LRP1: variants seen among roughly 807,000 people sequenced by gnomAD.
LRP1 encodes the protein LDL receptor related protein 1.
LRP1 carries 51 observed loss-of-function variants against 541.5 expected under a neutral mutation model. That is an observed-to-expected ratio of 0.09 (90% CI 0.08 to 0.12). The LOEUF is 0.12. Ranked by LOEUF, LRP1 falls within the 10% of genes least tolerant of loss-of-function variation. The pLI, the probability that LRP1 is intolerant of heterozygous loss-of-function variation, is 1.00. For missense variants in LRP1, 3,878 were observed against 6,376.2 expected, an observed-to-expected ratio of 0.61 and a Z score of 13.34; for synonymous variants, 2,219 against 2,470.8, an observed-to-expected ratio of 0.90 and a Z score of 3.02.
At chr12:57,151,474 T>G (rs1159403418) in intron 6 of LRP1, among the ~76,000 whole-genome samples, 1 of 152,250 alleles carries the variant, frequency 6.6e-6, no homozygotes, top group Non-Finnish European at 1.5e-5. Flanking sequence ...TTATTTGAGA[T>G]TCTCCTGTCC....
rs1230032035 is a variant in LRP1, at chr12:57,199,895, A to T, written c.9884A>T (p.Lys3295Met). The T allele has an allele frequency of 2.5e-6, 4 of 1,593,888 alleles. No homozygotes were observed. The highest frequency in any genetic ancestry group is 3.4e-6 in the Non-Finnish European group (4 of 1,172,780). Residue 3295 changes from lysine (K) to methionine (M), a missense_variant, in exon 62 of 89, where the codon AAG becomes ATG. By Grantham distance (95) the Lys-to-Met change is moderately conservative. Transcript: ENST00000243077. Reference sequence around the variant, plus strand: ...CTGGCAGTGCCCAATCACCCCTGCAAGGTCAACAATGGTGGCTGCAGCAAC... The same window carrying T: ...CTGGCAGTGCCCAATCACCCCTGCATGGTCAACAATGGTGGCTGCAGCAAC... ...RQPDVPNHPCKVNNGGCSNLC... is the reference protein window; with the variant it reads ...RQPDVPNHPCMVNNGGCSNLC...
intron 20 of LRP1, among the ~76,000 whole-genome samples, chr12:57,170,458 C>G (rs1251397822): frequency 6.6e-6 from 1 of 151,128 alleles, no homozygotes; most frequent in Non-Finnish European, 1.5e-5. Context: ...GTGGGAGGAT[C>G]ACTTGAGGCC....
chr12:57,196,950 C>T, intron 55 of LRP1, 32 bp from the exon 56 acceptor site: 1 of 1,579,626 alleles, frequency 6.3e-7, no homozygotes, highest in Non-Finnish European at 8.6e-7. Context: ...GACCCTGCCA[C>T]ATGCCCAGCC....
intron 2 of LRP1, 110 bp downstream of exon 2, chr12:57,138,691 C>T: frequency 7.0e-7 from 1 of 1,435,102 alleles, no homozygotes; most frequent in Non-Finnish European, 9.6e-7. Context: ...GGACCTTGCT[C>T]AGTGATTGTA....
chr12:57,195,463 G>A, intron 52 of LRP1, 64 bp downstream of exon 52: 2 of 1,588,688 alleles, frequency 1.3e-6, no homozygotes, highest in Non-Finnish European at 1.7e-6. Context: ...TTTGCAGATG[G>A]GGAAGCCGGG....
chr12:57,202,919 AAC>A, intron 68 of LRP1: 1 of 553,470 alleles, frequency 1.8e-6, no homozygotes, highest in South Asian at 2.5e-5. Context: ...CCCCTCCCCA[AAC>A]ACAGTCTGTT....
At chr12:57,167,374 C>T in intron 18 of LRP1, 70 bp from the exon 19 acceptor site, 1 of 1,166,244 alleles carries the variant, frequency 8.6e-7, no homozygotes, top group Non-Finnish European at 1.3e-6. Flanking sequence ...GGCCGCTGCA[C>T]TCACCTGCCC....
intron 6 of LRP1, 42 bp downstream of exon 6, chr12:57,145,532 G>A: frequency 6.2e-7 from 1 of 1,600,180 alleles, no homozygotes; most frequent in East Asian, 2.2e-5. Flanking sequence ...GGGAGGGTAG[G>A]GGAGACAGGG....
chr12:57,129,027 C>A lies in LRP1; in HGVS notation c.63C>A (p.Ile21=), dbSNP rs1479300393. The change falls in exon 1 of 89, where the codon ATC becomes ATA. Residue 21 remains isoleucine, a synonymous_variant. Coordinates refer to ENST00000243077, the MANE Select transcript of LRP1 (RefSeq NM_002332.3). ...PLLSALVAAA[I]DAPKTCSPKQ... ...TCTCAGCTCTGGTCGCGGCGGCTAT[C>A]GACGGTGAGTGAGATTCCGCGTCCC... The A allele has an allele frequency of 6.4e-7, 1 of 1,551,484 alleles. No homozygotes were observed. Among genetic ancestry groups the A allele is most frequent in the Non-Finnish European group, 8.7e-7 (1 of 1,146,858 alleles).
chr12:57,208,797 A>T lies in LRP1; in HGVS notation c.12125A>T (p.Asp4042Val). The T allele has an allele frequency of 6.2e-7, 1 of 1,614,030 alleles. No homozygotes were observed. The highest frequency in any genetic ancestry group is 1.1e-5 in the South Asian group (1 of 91,080). Residue 4042 changes from aspartate to valine, a missense_variant, in exon 78 of 89, where the codon GAC becomes GTC. Around this residue, in one of 13 missense-constraint regions of LRP1, gnomAD observed 871 missense variants for 1,212.4 expected, o/e 0.72. Coordinates refer to ENST00000243077, the MANE Select transcript of LRP1 (RefSeq NM_002332.3). Reference sequence around the variant, plus strand: ...ACGCTTCGGGAGACACTGGTGCAGGACAACATTCAGTGGCCCACAGGTTTG... The same window carrying T: ...ACGCTTCGGGAGACACTGGTGCAGGTCAACATTCAGTGGCCCACAGGTTTG... Reference protein sequence around the residue: ...DGTLRETLVQDNIQWPTGLAV... With the variant: ...DGTLRETLVQVNIQWPTGLAV...
Position 57,201,619 on chromosome 12 carries a change from A to G in LRP1, c.10468A>G (p.Thr3490Ala). 1 of 1,611,876 alleles carries G rather than the reference A, an allele frequency of 6.2e-7. No individual in the cohort carries two copies. The highest frequency in any genetic ancestry group is 1.1e-5 in the South Asian group (1 of 91,010). Residue 3490 changes from threonine (T) to alanine (A), a missense_variant and splice_region_variant, in exon 66 of 89, where the codon ACC becomes GCC. Around this residue, in one of 13 missense-constraint regions of LRP1, gnomAD observed 278 missense variants for 536.3 expected, o/e 0.52. Coordinates refer to ENST00000243077, the MANE Select transcript of LRP1 (RefSeq NM_002332.3). This position sits in a 1 kb window ranked among gnomAD's most constrained non-coding sequence, Gnocchi z 6.4. ...TGGCAGTGATGAGCCCGCCAACTGC[A>G]GTGAGTTGCCTGGCCTGGAGCCCAG... ...VDGSDEPANC[T>A]QMTCGVDEFR... is the part of the protein sequence containing the mutation.
At chr12:57,160,107 C>T (rs575153110) in intron 12 of LRP1, 102 bp downstream of exon 12, 31 of 1,204,846 alleles carry the variant, frequency 2.6e-5, no homozygotes, top group Middle Eastern at 2.8e-4. Context: ...GCAGGTGAGG[C>T]GGGATACTTT....
chr12:57,158,196 A>G lies in LRP1; in HGVS notation c.1562-206A>G, dbSNP rs2035658299. 6.6e-6 allele frequency among the ~76,000 whole-genome samples: 1 copy of G among 152,192 alleles called. No individual in the cohort carries two copies. Among genetic ancestry groups the G allele is most frequent in the South Asian group, 2.1e-4 (1 of 4,834 alleles). On this transcript the variant is annotated intron_variant, in intron 10 of 88. Transcript: ENST00000243077. The surrounding 1 kb of genome is among the most constrained non-coding windows in gnomAD (Gnocchi z 5.3). ...CTCATTTCCTACCCTTGGAGTGCAG[A>G]GGTCAGACCCCAGGGTATTGCGGCC... is the stretch of plus-strand genomic sequence containing the variant.
chr12:57,212,608 A>C lies in LRP1; in HGVS notation c.*53A>C, dbSNP rs1457496797. The C allele has an allele frequency of 8.6e-6, 13 of 1,513,272 alleles. No homozygotes were observed. Among genetic ancestry groups the C allele is most frequent in the Non-Finnish European group, 1.2e-5 (13 of 1,129,536 alleles). The allele number at this position is 1,513,272 out of a possible 1,614,324, so 93.7% of individuals were successfully genotyped here. A position where few individuals can be genotyped will look rare whatever the true frequency, so the allele number is the denominator to read the frequency against. ...AAAGCCTCCTGCCCCCTGCCAGTGA[A>C]GTCCTTCAGTGAGCCCCTCCCCAGC... is the stretch of plus-strand genomic sequence containing the variant. On this transcript the variant is annotated 3_prime_UTR_variant, in exon 89 of 89. Transcript: ENST00000243077. The surrounding 1 kb of genome is among the most constrained non-coding windows in gnomAD (Gnocchi z 5.0).
Position 57,156,879 on chromosome 12 carries a change from G to T in LRP1, c.1520G>T (p.Arg507Leu). ...NSHKARTCRC[R>L]SGFSLGSDGK... is the part of the protein sequence containing the mutation. Reference sequence around the variant, plus strand: ...CACAAGGCGCGGACCTGCCGCTGCCGTTCCGGCTTCAGCCTGGGCAGTGAC... The same window carrying T: ...CACAAGGCGCGGACCTGCCGCTGCCTTTCCGGCTTCAGCCTGGGCAGTGAC... The change falls in exon 10 of 89, where the codon CGT becomes CTT. Residue 507 changes from arginine (R) to leucine (L), a missense_variant. Physicochemically the swap from Arg to Leu is moderately radical, Grantham distance 102. Around this residue, in one of 13 missense-constraint regions of LRP1, gnomAD observed 496 missense variants for 861.0 expected, o/e 0.58. Transcript: ENST00000243077. The surrounding 1 kb of genome is among the most constrained non-coding windows in gnomAD (Gnocchi z 5.2). 3 of 1,595,706 alleles carry T rather than the reference G, an allele frequency of 1.9e-6. No individual in the cohort carries two copies. Among genetic ancestry groups the T allele is most frequent in the Non-Finnish European group, 2.6e-6 (3 of 1,171,520 alleles).
At chr12:57,203,143 C>A in intron 68 of LRP1, 38 bp from the exon 69 acceptor site, 3 of 1,443,440 alleles carry the variant, frequency 2.1e-6, no homozygotes, top group Non-Finnish European at 1.9e-6. Flanking sequence ...AGTCCTTGTG[C>A]CCACCCTCCT....
Position 57,158,159 on chromosome 12 carries a change from T to G in LRP1, c.1562-243T>G, listed in dbSNP as rs543655193. 2.5e-4 allele frequency among the ~76,000 whole-genome samples: 38 copies of G among 152,320 alleles called. 1 individual carries two copies. In the South Asian group the frequency reaches 6.0e-3, roughly 24 times the overall value. On this transcript the variant is annotated intron_variant, in intron 10 of 88. Transcript: ENST00000243077. The surrounding 1 kb of genome is among the most constrained non-coding windows in gnomAD (Gnocchi z 5.3). ...ATCAGTGGGCACTTAGCTGAAAACC[T>G]GCTATTCTTCCCTCATTTCCTACCC...
chr12:57,200,148 C>A, intron 62 of LRP1, 123 bp downstream of exon 62: 1 of 831,008 alleles, frequency 1.2e-6, no homozygotes, highest in Non-Finnish European at 1.9e-6. Flanking sequence ...ACTAACACCC[C>A]CACATTTCTT....
intron 70 of LRP1, 84 bp downstream of exon 70, chr12:57,203,605 CTTCTGTA>C: frequency 2.2e-6 from 3 of 1,391,596 alleles, no homozygotes; most frequent in Non-Finnish European, 2.8e-6. Flanking sequence ...CATTCTTTCT[CTTCTGTA>C]TTCATTCTTC....
Sources: gnomAD v4.1 joint callset for allele counts (sites outside exome capture counted in the v4.1 genomes callset) on GRCh38, gnomAD v4.1.1 for gene constraint, gnomAD v4.1.1 regional missense constraint, Gnocchi (gnomAD v3.1) non-coding constraint, MANE v1.5 for transcripts, NCBI Gene and HGNC (gene_info 2026-07-23, HGNC 2026-07-21) for gene names.